Variants in COMMD1 observed in about 807,000 individuals in gnomAD.
COMMD1 encodes copper metabolism domain containing 1, also known as COMM domain-containing protein 1.
COMMD1 carries 10 observed loss-of-function variants against 17.2 expected under a neutral mutation model. That is an observed-to-expected ratio of 0.58 (90% CI 0.36 to 0.99). The LOEUF (loss-of-function observed/expected upper bound fraction) is 0.99, where lower values mean the gene tolerates loss of function less well. Ranked by LOEUF, COMMD1 falls within the 50% of genes least tolerant of loss-of-function variation. COMMD1 has a pLI of 0.01. For missense variants in COMMD1, 270 were observed against 231.8 expected (o/e 1.17, Z -1.07); for synonymous variants, 97 against 91.6 (o/e 1.06, Z -0.34).
intron 1 of COMMD1, among the ~76,000 whole-genome samples, chr2:61,984,894 A>G (rs981053058): frequency 3.0e-4 from 45 of 151,222 alleles, no homozygotes; most frequent in Non-Finnish European, 1.0e-4. Context: ...CTCTTTTATC[A>G]TATAATGACT....
chr2:61,989,501 C>A (rs934557137), intron 1 of COMMD1, among the ~76,000 whole-genome samples: 1 of 149,560 alleles, frequency 6.7e-6, no homozygotes, highest in East Asian at 2.0e-4. Context: ...TTCACTCGGT[C>A]GCCCAGGCTG....
At chr2:61,987,196 T>C (rs1033256994) in intron 1 of COMMD1, among the ~76,000 whole-genome samples, 3 of 152,208 alleles carry the variant, frequency 2.0e-5, no homozygotes, top group Non-Finnish European at 4.4e-5. Context: ...GAGCTTTATT[T>C]AGTTCATTTT....
At chr2:61,994,927 G>C (rs1394735065) in intron 1 of COMMD1, among the ~76,000 whole-genome samples, 1 of 152,084 alleles carries the variant, frequency 6.6e-6, no homozygotes, top group Non-Finnish European at 1.5e-5. Context: ...GCTTATGCCA[G>C]TCCCCATGGC....
chr2:62,064,010 G>C (rs2103946446), intron 2 of COMMD1, among the ~76,000 whole-genome samples: 1 of 150,140 alleles, frequency 6.7e-6, no homozygotes, highest in Admixed American at 6.6e-5. Flanking sequence ...TCACACCACT[G>C]TATGCCAGCT....
chr2:62,070,000 C>T (rs1671156142), intron 2 of COMMD1: 2 of 152,090 alleles, frequency 1.3e-5, no homozygotes. Context: ...TAGCATAGAC[C>T]CCACAAGTTA....
chr2:62,088,153 T>A (rs1428303077), intron 2 of COMMD1, among the ~76,000 whole-genome samples: 6 of 152,228 alleles, frequency 3.9e-5, no homozygotes, highest in Admixed American at 6.5e-5. Flanking sequence ...TTCTGTCTCC[T>A]TCATTGATGT....
At chr2:61,974,974 C>G (rs1005436379) in intron 1 of COMMD1, among the ~76,000 whole-genome samples, 1 of 152,046 alleles carries the variant, frequency 6.6e-6, no homozygotes, top group Non-Finnish European at 1.5e-5. Flanking sequence ...GATCTCTTTA[C>G]CGTCTTCACA....
chr2:62,109,272 T>G (rs1195079445), intron 2 of COMMD1, among the ~76,000 whole-genome samples: 1 of 152,212 alleles, frequency 6.6e-6, no homozygotes, highest in Admixed American at 6.5e-5. Flanking sequence ...CTAAAAAGCA[T>G]TCTGTAAACC....
At chr2:62,019,696 T>G (rs979257180) in intron 2 of COMMD1, among the ~76,000 whole-genome samples, 1 of 152,202 alleles carries the variant, frequency 6.6e-6, no homozygotes, top group Non-Finnish European at 1.5e-5. Flanking sequence ...AGGCGATAGA[T>G]GCAATCCACA....
chr2:61,990,907 C>T lies in COMMD1; in HGVS notation c.181-9794C>T, dbSNP rs1484108803. 2.4e-3 allele frequency among the ~76,000 whole-genome samples: 348 copies of T among 146,336 alleles called. 1 individual carries two copies. The highest frequency in any genetic ancestry group is 7.5e-3 in the African/African-American group (296 of 39,404). ...AAAAAAAAAAATATATATATATACA[C>T]ACACACACACACACACACACACACA... is the stretch of plus-strand genomic sequence containing the variant. On this transcript the variant is annotated intron_variant, in intron 1 of 2. Transcript: ENST00000311832.
chr2:62,051,347 C>T (rs541061106), intron 2 of COMMD1, among the ~76,000 whole-genome samples: 11 of 152,232 alleles, frequency 7.2e-5, no homozygotes, highest in African/African-American at 2.6e-4. Context: ...TTAATCTCAA[C>T]TCATAATTTG....
intron 1 of COMMD1, among the ~76,000 whole-genome samples, chr2:61,934,971 A>G (rs1670565822): frequency 6.6e-6 from 1 of 152,212 alleles, no homozygotes; most frequent in Non-Finnish European, 1.5e-5. Context: ...CAGATTGACA[A>G]GAGAAGAACA....
chr2:61,913,592 AGCTCTACTAAAAATTG>A (rs1465688030), intron 1 of COMMD1, among the ~76,000 whole-genome samples: 1,523 of 150,258 alleles, frequency 0.01, 67 homozygotes, highest in Admixed American at 0.069. Context: ...ACTAAAAATT[AGCTCTACTAAAAATTG>A]GCTCTACTAA....
rs142524176 is a variant in COMMD1, at chr2:62,032,523, G to A, written c.462+31541G>A. 4.6e-3 allele frequency among the ~76,000 whole-genome samples: 703 copies of A among 152,208 alleles called. 6 individuals carry two copies. The highest frequency in any genetic ancestry group is 0.016 in the African/African-American group (660 of 41,532). Reference sequence around the variant, plus strand: ...CGCACTCCAGCATGGATGACAGAGCGAGACCCTGTCTCTAAAACAAAATAA... The same window carrying A: ...CGCACTCCAGCATGGATGACAGAGCAAGACCCTGTCTCTAAAACAAAATAA... On this transcript the variant is annotated intron_variant, in intron 2 of 2. Coordinates refer to ENST00000311832, the MANE Select transcript of COMMD1 (RefSeq NM_152516.4).
chr2:62,003,489 C>T (rs1374018425), intron 2 of COMMD1, among the ~76,000 whole-genome samples: 9 of 150,760 alleles, frequency 6.0e-5, no homozygotes, highest in Admixed American at 6.6e-5. Context: ...TGCAGTGAGC[C>T]GAGATTGTGC....
At chr2:61,940,982 C>T (rs1309573342) in intron 1 of COMMD1, among the ~76,000 whole-genome samples, 5 of 151,904 alleles carry the variant, frequency 3.3e-5, no homozygotes, top group Non-Finnish European at 5.9e-5. Flanking sequence ...GCCACTGCGC[C>T]CGGCTGGGGT....
rs1460909115 is a variant in COMMD1, at chr2:62,128,487, C to T, written c.463-7344C>T. ...ACGAAATCACCAAAAGCAATTGAAACGAAAGCAAAAATTGACAAACGGGAT... is the reference window on the plus strand; with the variant it reads ...ACGAAATCACCAAAAGCAATTGAAATGAAAGCAAAAATTGACAAACGGGAT... On this transcript the variant is annotated intron_variant, in intron 2 of 2. Coordinates refer to ENST00000311832, the MANE Select transcript of COMMD1 (RefSeq NM_152516.4). Among the ~76,000 whole-genome samples, 7 of 152,028 alleles carry T rather than the reference C, an allele frequency of 4.6e-5. No individual in the cohort carries two copies. The East Asian group carries it at 9.6e-4, about 21-fold the overall frequency.
intron 2 of COMMD1, among the ~76,000 whole-genome samples, chr2:62,100,948 A>AT (rs1230582634): frequency 2.0e-5 from 3 of 151,996 alleles, no homozygotes; most frequent in East Asian, 1.9e-4. Flanking sequence ...AAATATTTTG[A>AT]TTTTTTTGCC....
intron 2 of COMMD1, among the ~76,000 whole-genome samples, chr2:62,095,418 A>C (rs1172943400): frequency 6.6e-6 from 1 of 152,168 alleles, no homozygotes; most frequent in Non-Finnish European, 1.5e-5. Flanking sequence ...TGAAAGTAGC[A>C]AATGCAAACC....
Sources: allele counts gnomAD v4.1 joint callset (sites outside exome capture counted in the v4.1 genomes callset), GRCh38; gene constraint gnomAD v4.1.1; transcripts MANE v1.5; gene names NCBI Gene and HGNC (gene_info 2026-07-23, HGNC 2026-07-21).